The following NUBPL variants were observed in gnomAD, a reference collection of about 807,000 sequenced individuals.
NUBPL encodes the protein NUBP iron-sulfur cluster assembly factor, mitochondrial.
A neutral mutation model predicts 45.7 loss-of-function variants in NUBPL; 31 were observed. The observed-to-expected ratio is 0.68, with a 90% confidence interval of 0.51 to 0.92. The LOEUF (loss-of-function observed/expected upper bound fraction) is 0.92. Ranked by LOEUF, NUBPL falls within the 40% of genes least tolerant of loss-of-function variation. The pLI is 0.00. For synonymous variants in NUBPL, 144 were observed against 140.9 expected (o/e 1.02, Z -0.15); for missense variants, 401 against 398.7 (o/e 1.01, Z -0.05).
intron 3 of NUBPL, among the ~76,000 whole-genome samples, chr14:31,576,194 C>A (rs543485793): frequency 6.6e-6 from 1 of 152,140 alleles, no homozygotes; most frequent in Admixed American, 6.5e-5. Context: ...TTGCTAAGGG[C>A]CTGTCATCTC....
At chr14:31,632,319 T>C (rs898611227) in intron 4 of NUBPL, among the ~76,000 whole-genome samples, 3 of 152,166 alleles carry the variant, frequency 2.0e-5, no homozygotes, top group Non-Finnish European at 2.9e-5. Context: ...GGAGGAACAA[T>C]GACACTTGGT....
At chr14:31,618,428 C>G (rs1048551434) in intron 4 of NUBPL, among the ~76,000 whole-genome samples, 2 of 152,174 alleles carry the variant, frequency 1.3e-5, no homozygotes, top group Admixed American at 1.3e-4. Flanking sequence ...ATAAATTTCC[C>G]TCTACACACT....
intron 4 of NUBPL, among the ~76,000 whole-genome samples, chr14:31,615,266 C>A (rs1362659717): frequency 6.6e-6 from 1 of 152,072 alleles, no homozygotes; most frequent in Admixed American, 6.6e-5. Flanking sequence ...GAGGCATCCC[C>A]AGCCATGCAG....
At chr14:31,826,255 G>A (rs533500587) in intron 7 of NUBPL, among the ~76,000 whole-genome samples, 131 of 152,136 alleles carry the variant, frequency 8.6e-4, no homozygotes, top group African/African-American at 3.0e-3. Context: ...CAAGTAGCTG[G>A]GATTACAGGC....
intron 6 of NUBPL, chr14:31,771,819 AT>A: frequency 1.0e-6 from 1 of 981,302 alleles, no homozygotes; most frequent in Non-Finnish European, 1.2e-6. Flanking sequence ...TTACCAGCCC[AT>A]TTCCACCCGA....
chr14:31,764,252 A>T (rs1319085466), intron 6 of NUBPL, among the ~76,000 whole-genome samples: 1 of 152,178 alleles, frequency 6.6e-6, no homozygotes, highest in Non-Finnish European at 1.5e-5. Flanking sequence ...TTTGGGTAGG[A>T]TATAATGATG....
intron 4 of NUBPL, among the ~76,000 whole-genome samples, chr14:31,652,441 T>C (rs2036032264): frequency 6.6e-6 from 1 of 152,184 alleles, no homozygotes; most frequent in Admixed American, 6.6e-5. Flanking sequence ...AGAGTACATT[T>C]TAAGTGTTCT....
At chr14:31,838,295 AAAAAG>A (rs202158281) in intron 8 of NUBPL, among the ~76,000 whole-genome samples, 40,360 of 143,294 alleles carry the variant, frequency 0.28, 6,251 homozygotes, top group East Asian at 0.44. Flanking sequence ...AAAAAAAAAA[AAAAAG>A]AGAGAGACAT....
intron 6 of NUBPL, among the ~76,000 whole-genome samples, chr14:31,719,182 T>A (rs2037753912): frequency 6.6e-6 from 1 of 152,180 alleles, no homozygotes; most frequent in Non-Finnish European, 1.5e-5. Flanking sequence ...GGAACTGATT[T>A]GTTGCTGCCG....
At chr14:31,605,584 A>G (rs1396433323) in intron 4 of NUBPL, among the ~76,000 whole-genome samples, 1 of 152,178 alleles carries the variant, frequency 6.6e-6, no homozygotes, top group African/African-American at 2.4e-5. Flanking sequence ...ACTTTTTTCA[A>G]GTTTAGGAAT....
At chr14:31,749,234 G>A (rs534361802) in intron 6 of NUBPL, among the ~76,000 whole-genome samples, 4 of 152,108 alleles carry the variant, frequency 2.6e-5, no homozygotes, top group South Asian at 2.1e-4. Context: ...TTTGCAGTTC[G>A]GTTGATGTCT....
intron 4 of NUBPL, among the ~76,000 whole-genome samples, chr14:31,612,651 C>CTCTGTCTCAG (rs2034790735): frequency 6.6e-6 from 1 of 150,422 alleles, no homozygotes; most frequent in Non-Finnish European, 1.5e-5. Flanking sequence ...CAGAGCAAGA[C>CTCTGTCTCAG]TCTGTCTCAG....
intron 6 of NUBPL, among the ~76,000 whole-genome samples, chr14:31,742,382 A>G (rs146384504): frequency 1.3e-5 from 2 of 152,114 alleles, no homozygotes; most frequent in East Asian, 3.9e-4. Flanking sequence ...ACTTGACTCT[A>G]TGCCTGAATT....
At chr14:31,759,645 A>T (rs1442581600) in intron 6 of NUBPL, among the ~76,000 whole-genome samples, 2 of 151,620 alleles carry the variant, frequency 1.3e-5, no homozygotes, top group Admixed American at 6.6e-5. Context: ...TTTCAACTTT[A>T]CCATGGTGTG....
At chr14:31,715,819 TTCTC>T (rs1433221570) in intron 6 of NUBPL, among the ~76,000 whole-genome samples, 4 of 152,210 alleles carry the variant, frequency 2.6e-5, no homozygotes, top group South Asian at 4.1e-4. Flanking sequence ...AAAATTTTCT[TTCTC>T]TCAATTATAA....
At chr14:31,853,090 T>G (rs199928872) in intron 10 of NUBPL, among the ~76,000 whole-genome samples, 81 of 59,546 alleles carry the variant, frequency 1.4e-3, no homozygotes, top group African/African-American at 7.6e-3. Context: ...GTGTTTTGTT[T>G]TGTTTTGTTT....
At chr14:31,822,819 A>G (rs2040040080) in intron 7 of NUBPL, among the ~76,000 whole-genome samples, 2 of 152,140 alleles carry the variant, frequency 1.3e-5, no homozygotes, top group South Asian at 4.1e-4. Flanking sequence ...AAATGTTGTT[A>G]TTAATTTGTT....
At chr14:31,650,424 G>A (rs937482053) in intron 4 of NUBPL, among the ~76,000 whole-genome samples, 1 of 151,758 alleles carries the variant, frequency 6.6e-6, no homozygotes, top group Non-Finnish European at 1.5e-5. Flanking sequence ...GAGGTAGCTG[G>A]GACTACAGGC....
intron 6 of NUBPL, among the ~76,000 whole-genome samples, chr14:31,766,633 G>A (rs900564067): frequency 3.3e-5 from 5 of 152,140 alleles, no homozygotes; most frequent in African/African-American, 4.8e-5. Context: ...TATCGCCATT[G>A]ACTTATCAGC....
Sources: allele counts gnomAD v4.1 joint callset (sites outside exome capture counted in the v4.1 genomes callset), GRCh38; gene constraint gnomAD v4.1.1; transcripts MANE v1.5; gene names NCBI Gene and HGNC (gene_info 2026-07-23, HGNC 2026-07-21).